GABRB1: variants seen among roughly 807,000 people sequenced by gnomAD.
The protein encoded by GABRB1 is gamma-aminobutyric acid receptor subunit beta-1.
A neutral mutation model predicts 51.6 loss-of-function variants in GABRB1; 17 were observed. The observed-to-expected ratio is 0.33, with a 90% CI of 0.23 to 0.49. The LOEUF (loss-of-function observed/expected upper bound fraction) is 0.49, where lower values mean the gene tolerates loss of function less well. Among genes scored for constraint, GABRB1 ranks in the 20% least tolerant of loss-of-function variants. The pLI, the probability that GABRB1 is intolerant of heterozygous loss-of-function variation, is 0.99. For synonymous variants in GABRB1, 247 were observed against 218.9 expected (o/e 1.13, Z -1.14); for missense variants, 410 against 600.6 (o/e 0.68, Z 3.32).
intron 4 of GABRB1, among the ~76,000 whole-genome samples, chr4:47,250,922 A>G (rs1357100746): frequency 6.6e-6 from 1 of 152,132 alleles, no homozygotes; most frequent in Non-Finnish European, 1.5e-5. Flanking sequence ...TTAGCTTAGT[A>G]ACTAACCTCC....
intron 4 of GABRB1, among the ~76,000 whole-genome samples, chr4:47,220,123 A>T (rs1312846280): frequency 1.3e-5 from 2 of 152,010 alleles, no homozygotes; most frequent in East Asian, 3.9e-4. Context: ...AAGAAACTTC[A>T]ACTGGTTACC....
chr4:47,402,925 A>C (rs755703411), intron 5 of GABRB1, among the ~76,000 whole-genome samples: 4 of 152,230 alleles, frequency 2.6e-5, no homozygotes, highest in Non-Finnish European at 5.9e-5. Flanking sequence ...TTTAACAAAT[A>C]TGTGCTCAAT....
At chr4:47,119,848 A>G (rs1278841130) in intron 3 of GABRB1, among the ~76,000 whole-genome samples, 1 of 152,170 alleles carries the variant, frequency 6.6e-6, no homozygotes, top group Non-Finnish European at 1.5e-5. Context: ...TACAATCTGT[A>G]ACATAAAACT....
At chr4:47,147,304 C>A (rs1430530345) in intron 3 of GABRB1, among the ~76,000 whole-genome samples, 1 of 151,200 alleles carries the variant, frequency 6.6e-6, no homozygotes, top group South Asian at 2.1e-4. Context: ...TTTTCCTTTC[C>A]TCCTTATTTT....
chr4:47,310,330 A>C (rs952923069), intron 4 of GABRB1, among the ~76,000 whole-genome samples: 1 of 152,200 alleles, frequency 6.6e-6, no homozygotes, highest in Non-Finnish European at 1.5e-5. Flanking sequence ...ATATGACAGC[A>C]TGAATATGTA....
intron 5 of GABRB1, among the ~76,000 whole-genome samples, chr4:47,365,229 A>C (rs1177397253): frequency 6.6e-6 from 1 of 152,204 alleles, no homozygotes; most frequent in Non-Finnish European, 1.5e-5. Context: ...TGACTGCTAC[A>C]ATTAAGAGAC....
At chr4:47,110,428 A>T (rs1193933201) in intron 3 of GABRB1, among the ~76,000 whole-genome samples, 1 of 152,182 alleles carries the variant, frequency 6.6e-6, no homozygotes, top group Non-Finnish European at 1.5e-5. Flanking sequence ...ACTTAGTGGA[A>T]AAGATGCACA....
Position 47,047,318 on chromosome 4 carries a change from C to T in GABRB1, c.240+14834C>T, listed in dbSNP as rs1280861139. 3.3e-5 allele frequency among the ~76,000 whole-genome samples: 5 copies of T among 152,174 alleles called. No individual in the cohort carries two copies. The East Asian group carries it at 9.6e-4, about 29-fold the overall frequency. On this transcript the variant is annotated intron_variant, in intron 3 of 8. Transcript: ENST00000295454. The stretch of plus-strand genomic sequence containing the variant: ...TAATGATAACAGAAATTAAACACAT[C>T]TACAAAGCAGGTACTATTCTAACCA...
intron 4 of GABRB1, among the ~76,000 whole-genome samples, chr4:47,262,867 A>G (rs1331304954): frequency 6.6e-6 from 1 of 152,084 alleles, no homozygotes; most frequent in Non-Finnish European, 1.5e-5. Context: ...GCAGCCATAA[A>G]AAATGATGAG....
At chr4:47,066,001 CT>C (rs1341902468) in intron 3 of GABRB1, among the ~76,000 whole-genome samples, 1 of 152,100 alleles carries the variant, frequency 6.6e-6, no homozygotes, top group Non-Finnish European at 1.5e-5. Flanking sequence ...GAAAAATGTC[CT>C]TTCCTTTGAA....
At chr4:46,997,689 C>G (rs996991771) in intron 1 of GABRB1, among the ~76,000 whole-genome samples, 2 of 152,050 alleles carry the variant, frequency 1.3e-5, no homozygotes, top group African/African-American at 4.8e-5. Flanking sequence ...AGTATCCCTT[C>G]TTTTACAAAG....
chr4:47,409,116 C>T (rs778031353), intron 8 of GABRB1, among the ~76,000 whole-genome samples: 16 of 152,116 alleles, frequency 1.1e-4, no homozygotes, highest in South Asian at 2.1e-4. Context: ...GTGTGGGAGC[C>T]GGGGCAAGCA....
chr4:47,308,126 A>C (rs1486184006), intron 4 of GABRB1, among the ~76,000 whole-genome samples: 1 of 152,040 alleles, frequency 6.6e-6, no homozygotes, highest in Non-Finnish European at 1.5e-5. Context: ...AAACTGACAA[A>C]ATTGAAAGCC....
chr4:47,157,424 C>A (rs1358416215), intron 3 of GABRB1, among the ~76,000 whole-genome samples: 1 of 152,036 alleles, frequency 6.6e-6, no homozygotes, highest in Admixed American at 6.6e-5. Flanking sequence ...AAAATAGAAT[C>A]CACCAAAACG....
intron 4 of GABRB1, among the ~76,000 whole-genome samples, chr4:47,225,175 A>C (rs1239177911): frequency 1.3e-5 from 2 of 152,086 alleles, no homozygotes; most frequent in African/African-American, 4.8e-5. Context: ...GATTACAGGC[A>C]TGAGCCACTG....
In GABRB1 at chr4:47,179,090, T is replaced by C. The variant is rs145262607; in HGVS notation, c.461+17621T>C. Among the ~76,000 whole-genome samples, 952 of 152,178 alleles carry C rather than the reference T, an allele frequency of 6.3e-3. 7 individuals are homozygous for C. The highest frequency in any genetic ancestry group is 0.01 in the Admixed American group (157 of 15,262). On this transcript the variant is annotated intron_variant, in intron 4 of 8. Transcript: ENST00000295454. ...ATCAACCCATCATCTGTATTAGGTA[T>C]TTCTCCTAATGTTATCTCTCCCCTA...
chr4:47,376,630 G>A (rs183422826), intron 5 of GABRB1, among the ~76,000 whole-genome samples: 8 of 152,310 alleles, frequency 5.3e-5, no homozygotes, highest in African/African-American at 1.9e-4. Flanking sequence ...CTGGGCGACT[G>A]AGCGAGACTC....
chr4:47,014,831 A>G (rs1156329887), intron 1 of GABRB1, among the ~76,000 whole-genome samples: 1 of 152,240 alleles, frequency 6.6e-6, no homozygotes, highest in African/African-American at 2.4e-5. Context: ...ATGAAAAAGT[A>G]TAGAATAAGG....
At chr4:47,159,453 G>A (rs59893093) in intron 3 of GABRB1, among the ~76,000 whole-genome samples, 48,014 of 151,528 alleles carry the variant, frequency 0.32, 7,776 homozygotes, top group Admixed American at 0.36. Context: ...TTAAGAACTT[G>A]TAGAGGATGC....
Sources: allele counts gnomAD v4.1 joint callset (sites outside exome capture counted in the v4.1 genomes callset), GRCh38; gene constraint gnomAD v4.1.1; transcripts MANE v1.5; gene names NCBI Gene and HGNC (gene_info 2026-07-23, HGNC 2026-07-21).